SCARB1: variants seen among roughly 807,000 people sequenced by gnomAD.
The protein encoded by SCARB1 is CD36 and LIMPII analogous 1.
SCARB1 carries 30 observed loss-of-function variants against 57.2 expected under a neutral mutation model. The ratio of observed to expected loss-of-function variants is 0.52; its 90% CI spans 0.39 to 0.71. The LOEUF is 0.71. Among genes scored for constraint, SCARB1 ranks in the 30% least tolerant of loss-of-function variants. SCARB1 has a pLI of 0.00. For synonymous variants in SCARB1, 249 were observed against 268.3 expected, an observed-to-expected ratio of 0.93 and a Z score of 0.70; for missense variants, 543 against 671.2, an observed-to-expected ratio of 0.81 and a Z score of 2.11.
chr12:124,791,860 G>A (rs949517591), intron 9 of SCARB1, among the ~76,000 whole-genome samples: 6 of 152,118 alleles, frequency 3.9e-5, no homozygotes, highest in African/African-American at 1.2e-4. Flanking sequence ...GGAGGCTGAG[G>A]CAGGAGAATC....
At chr12:124,856,698 G>A (rs1020188515) in intron 1 of SCARB1, among the ~76,000 whole-genome samples, 2 of 152,210 alleles carry the variant, frequency 1.3e-5, no homozygotes, top group African/African-American at 4.8e-5. Context: ...CCAAACAAGG[G>A]GGTCCTACAG....
Position 124,863,728 on chromosome 12 carries a change from C to A in SCARB1, c.-8G>T, listed in dbSNP as rs1953001648. 1.4e-6 allele frequency: 2 copies of A among 1,466,790 alleles called. No homozygotes were observed. Among genetic ancestry groups the A allele is most frequent in the Admixed American group, 2.6e-5 (1 of 38,100 alleles). The allele number at this position is 1,466,790 out of a possible 1,614,324, so 90.9% of individuals were successfully genotyped here. On this transcript the variant is annotated 5_prime_UTR_variant, in exon 1 of 13. Transcript: ENST00000261693. ...TTTGGCGGAGCAGCCCATGTCTGCG[C>A]GCCTGGGGCCCACCCGCGGCTCGCA...
At chr12:124,861,632 G>A (rs1461651912) in intron 1 of SCARB1, among the ~76,000 whole-genome samples, 4 of 152,202 alleles carry the variant, frequency 2.6e-5, no homozygotes, top group Non-Finnish European at 4.4e-5. Flanking sequence ...TAAGGCACTT[G>A]GCCGCTGCTC....
intron 9 of SCARB1, 133 bp downstream of exon 9, chr12:124,795,062 A>AC (rs1949894974): frequency 1.3e-6 from 1 of 798,034 alleles, no homozygotes; most frequent in South Asian, 1.4e-5. Flanking sequence ...ACTGGATTCC[A>AC]CCCCCAATAG....
chr12:124,811,091 G>A (rs915192165), intron 5 of SCARB1, among the ~76,000 whole-genome samples: 6 of 152,226 alleles, frequency 3.9e-5, no homozygotes, highest in Non-Finnish European at 8.8e-5. Flanking sequence ...ATTTCATGAT[G>A]TTCAAAGAAG....
rs545775869 is a variant in SCARB1 at position 124,850,470 on chromosome 12, G to A, written c.126+13125C>T. ...GCGGATCACCTGAGGTCAGGAGTTC[G>A]AGACCAGCCTGGCCAACATGGAGAA... is the stretch of plus-strand genomic sequence containing the variant. On this transcript the variant is annotated intron_variant, in intron 1 of 12. Coordinates refer to ENST00000261693, the MANE Select transcript of SCARB1 (RefSeq NM_005505.5). 2.3e-3 allele frequency among the ~76,000 whole-genome samples: 346 copies of A among 150,754 alleles called. 4 individuals carry two copies. The highest frequency in any genetic ancestry group is 7.9e-3 in the African/African-American group (324 of 41,038).
rs2135669766 is a variant in SCARB1 at position 124,812,810 on chromosome 12, A to G, written c.631-845T>C. Among the ~76,000 whole-genome samples the G allele has an allele frequency of 2.0e-5, 3 of 152,262 alleles. No homozygotes were observed. In the East Asian group the frequency reaches 5.8e-4, roughly 29 times the overall value. On this transcript the variant is annotated intron_variant, in intron 4 of 12. Transcript: ENST00000261693. The surrounding 1 kb of genome is among the most constrained non-coding windows in gnomAD (Gnocchi z 4.3). Reference sequence around the variant, plus strand: ...ACCCAGCACAAGGCCCCAGCCCAGCATCCCGGGTGTGTCTGTCACGTGCCC... The same window carrying G: ...ACCCAGCACAAGGCCCCAGCCCAGCGTCCCGGGTGTGTCTGTCACGTGCCC...
intron 11 of SCARB1, chr12:124,785,513 T>A (rs898847849): frequency 1.9e-5 from 3 of 154,046 alleles, no homozygotes; most frequent in Admixed American, 1.9e-4. Context: ...AAGCTCACTA[T>A]CTACCTCTTC....
chr12:124,840,185 A>ATTTT (rs61308172), intron 1 of SCARB1, among the ~76,000 whole-genome samples: 1 of 143,550 alleles, frequency 7.0e-6, no homozygotes, highest in African/African-American at 2.6e-5. Context: ...GGCTATCTGC[A>ATTTT]TTTTTTTTTT....
At chr12:124,809,199 T>G (rs1594259802) in intron 6 of SCARB1, among the ~76,000 whole-genome samples, 3 of 147,488 alleles carry the variant, frequency 2.0e-5, no homozygotes, top group Admixed American at 6.8e-5. Context: ...GAAGAGGGGG[T>G]GGGGGGCTTA....
chr12:124,817,648 G>A lies in SCARB1; in HGVS notation c.186C>T (p.Pro62=). The stretch of plus-strand genomic sequence containing the variant: ...CAAAGAAGTAGACGGAGAGATAGAA[G>A]GGGATAGGGATCTCCTTCCACATGT... ...SFNMWKEIPI[P]FYLSVYFFDV... The change falls in exon 2 of 13, where the codon CCC becomes CCT. Residue 62 remains proline, a synonymous_variant. Transcript: ENST00000261693. The surrounding 1 kb of genome is among the most constrained non-coding windows in gnomAD (Gnocchi z 4.8). The A allele has an allele frequency of 6.2e-7, 1 of 1,614,224 alleles. No homozygotes were observed. Among genetic ancestry groups the A allele is most frequent in the Non-Finnish European group, 8.5e-7 (1 of 1,180,024 alleles).
intron 1 of SCARB1, among the ~76,000 whole-genome samples, chr12:124,846,313 T>C (rs1377137048): frequency 6.6e-6 from 1 of 152,326 alleles, no homozygotes; most frequent in East Asian, 1.9e-4. Flanking sequence ...CCCTTCTCCA[T>C]GCAGGTGAAG....
chr12:124,801,822 G>A (rs781461480), intron 7 of SCARB1, among the ~76,000 whole-genome samples: 10 of 151,676 alleles, frequency 6.6e-5, no homozygotes, highest in African/African-American at 1.5e-4. Context: ...CTCCAGCCTC[G>A]GCAAAAGAGC....
rs1347229156 is a variant in SCARB1, at chr12:124,778,504, T to C, written c.*83A>G. On this transcript the variant is annotated 3_prime_UTR_variant, in exon 13 of 13. Transcript: ENST00000261693. ...GCTGGGGGGCTGTCCGCTGGGAGAG[T>C]CCGGGAGAAGCGGGGTGTAGGGGCT... 3.9e-5 allele frequency: 52 copies of C among 1,337,360 alleles called. No individual in the cohort carries two copies. Among genetic ancestry groups the C allele is most frequent in the Non-Finnish European group, 4.8e-5 (50 of 1,040,086 alleles). 82.8% of individuals were successfully genotyped at this position (1,337,360 alleles called of 1,614,324 possible).
chr12:124,833,509 G>A (rs969088050), intron 1 of SCARB1, among the ~76,000 whole-genome samples: 3 of 151,920 alleles, frequency 2.0e-5, no homozygotes, highest in South Asian at 2.1e-4. Flanking sequence ...ACTTAATCAC[G>A]CCTACAAAGC....
rs1872730493 is a variant in SCARB1 at position 124,778,497 on chromosome 12, G to A, written c.*90C>T. On this transcript the variant is annotated 3_prime_UTR_variant, in exon 13 of 13. Transcript: ENST00000261693. ...CTGTGGGGCTGGGGGGCTGTCCGCT[G>A]GGAGAGTCCGGGAGAAGCGGGGTGT... is the stretch of plus-strand genomic sequence containing the variant. 7.4e-7 allele frequency: 1 copy of A among 1,353,370 alleles called. No homozygotes were observed. Among genetic ancestry groups the A allele is most frequent in the Non-Finnish European group, 9.5e-7 (1 of 1,050,752 alleles). 83.8% of individuals were successfully genotyped at this position (1,353,370 alleles called of 1,614,324 possible).
intron 1 of SCARB1, among the ~76,000 whole-genome samples, chr12:124,833,150 C>G (rs988562035): frequency 2.6e-5 from 4 of 151,746 alleles, no homozygotes; most frequent in African/African-American, 7.3e-5. Flanking sequence ...GCATTGTGGC[C>G]CCTGGGACAA....
intron 9 of SCARB1, among the ~76,000 whole-genome samples, chr12:124,793,253 C>T (rs79744731): frequency 0.035 from 5,353 of 152,110 alleles, 328 homozygotes; most frequent in African/African-American, 0.12. Flanking sequence ...TTTTTTTTAA[C>T]GAAACTATTT....
Position 124,789,903 on chromosome 12 carries a change from C to A in SCARB1, c.1203-2446G>T, listed in dbSNP as rs572677984. 2.0e-5 allele frequency among the ~76,000 whole-genome samples: 3 copies of A among 150,648 alleles called. No homozygotes were observed. The highest frequency in any genetic ancestry group is 7.4e-5 in the African/African-American group (3 of 40,776). On this transcript the variant is annotated intron_variant, in intron 9 of 12. Transcript: ENST00000261693. The surrounding 1 kb of genome is among the most constrained non-coding windows in gnomAD (Gnocchi z 4.4). ...GCACATGCCTGTAATCCCAGCTACT[C>A]GGGAGGCTGAGGCAGGAGAATCACT...
Sources: allele counts gnomAD v4.1 joint callset (sites outside exome capture counted in the v4.1 genomes callset), GRCh38; gene constraint gnomAD v4.1.1; non-coding constraint Gnocchi (gnomAD v3.1); transcripts MANE v1.5; gene names NCBI Gene and HGNC (gene_info 2026-07-23, HGNC 2026-07-21).